The following CCSER1 variants were observed in gnomAD, a reference collection of about 807,000 sequenced individuals.
CCSER1 encodes the protein serine-rich coiled-coil domain-containing protein 1.
In CCSER1, 41 loss-of-function variants were observed where a neutral mutation model predicts 82.0. The ratio of observed to expected loss-of-function variants is 0.50; its 90% CI spans 0.39 to 0.65. The LOEUF (loss-of-function observed/expected upper bound fraction) is 0.65, where lower values mean the gene tolerates loss of function less well. Ranked by LOEUF, CCSER1 falls within the 30% of genes least tolerant of loss-of-function variation. CCSER1 has a pLI of 0.00. For synonymous variants in CCSER1, 414 were observed against 383.9 expected, an observed-to-expected ratio of 1.08 and a Z score of -0.92; for missense variants, 1,119 against 1,064.2, an observed-to-expected ratio of 1.05 and a Z score of -0.72.
chr4:90,685,672 G>A (rs1402274030), intron 6 of CCSER1, among the ~76,000 whole-genome samples: 3 of 152,220 alleles, frequency 2.0e-5, no homozygotes, highest in Non-Finnish European at 2.9e-5. Context: ...TTATTGTCTG[G>A]TGAAGAAGTG....
At chr4:90,494,827 C>T (rs1026573985) in intron 5 of CCSER1, among the ~76,000 whole-genome samples, 2 of 151,934 alleles carry the variant, frequency 1.3e-5, no homozygotes, top group African/African-American at 2.4e-5. Flanking sequence ...CAACAGTTCA[C>T]GCCATAGACA....
At chr4:90,184,092 A>G (rs926577313) in intron 1 of CCSER1, among the ~76,000 whole-genome samples, 3 of 152,018 alleles carry the variant, frequency 2.0e-5, no homozygotes, top group African/African-American at 7.2e-5. Context: ...CTAGGGGAGG[A>G]GATTCTGTTA....
intron 1 of CCSER1, among the ~76,000 whole-genome samples, chr4:90,158,053 G>A (rs895456874): frequency 6.6e-6 from 1 of 152,142 alleles, no homozygotes; most frequent in South Asian, 2.1e-4. Context: ...TGGGTTTTTG[G>A]TGTGGATGTC....
chr4:91,240,058 C>G (rs1306579181), intron 10 of CCSER1, among the ~76,000 whole-genome samples: 1 of 54,534 alleles, frequency 1.8e-5, no homozygotes, highest in Admixed American at 2.1e-4. Context: ...ACACTGAAAT[C>G]TCTACTCATA....
chr4:90,499,609 T>C (rs1769547290), intron 5 of CCSER1, among the ~76,000 whole-genome samples: 1 of 152,196 alleles, frequency 6.6e-6, no homozygotes, highest in Non-Finnish European at 1.5e-5. Context: ...TGCCTGAGCT[T>C]GTATGTCTTC....
intron 9 of CCSER1, among the ~76,000 whole-genome samples, chr4:91,083,856 T>G (rs1723078034): frequency 6.6e-6 from 1 of 152,104 alleles, no homozygotes; most frequent in Non-Finnish European, 1.5e-5. Context: ...GTCAGTGATT[T>G]TGGTGACATT....
chr4:91,329,893 A>T (rs1290643615), intron 10 of CCSER1, among the ~76,000 whole-genome samples: 4 of 151,542 alleles, frequency 2.6e-5, no homozygotes, highest in East Asian at 3.9e-4. Flanking sequence ...TTGTTGTTAA[A>T]TTTTTTTCCC....
intron 1 of CCSER1, among the ~76,000 whole-genome samples, chr4:90,142,293 C>T (rs1724939361): frequency 6.6e-6 from 1 of 152,210 alleles, no homozygotes; most frequent in Non-Finnish European, 1.5e-5. Flanking sequence ...GCTGTCATTA[C>T]AGGCCTAAGT....
Position 91,496,864 on chromosome 4 carries a change from GAATATATA to G in CCSER1, c.2218-101707_2218-101700del, listed in dbSNP as rs1758947929. On this transcript the variant is annotated intron_variant, in intron 10 of 10. Coordinates refer to ENST00000509176, the MANE Select transcript of CCSER1 (RefSeq NM_001145065.2). ...ATATATATATATTCAAATATATATT[GAATATATA>G]TATTCAATTCAAATACATATTCCAA... Among the ~76,000 whole-genome samples the G allele has an allele frequency of 6.0e-4, 74 of 123,796 alleles. 3 individuals are homozygous for G. The highest frequency in any genetic ancestry group is 9.3e-3 in the Middle Eastern group (2 of 216). 81.2% of individuals were successfully genotyped at this position (123,796 alleles called of 152,430 possible).
chr4:90,918,179 A>ATTAATT (rs1727793788), intron 8 of CCSER1: 1 of 428,704 alleles, frequency 2.3e-6, no homozygotes, highest in Non-Finnish European at 4.6e-6. Context: ...CTAACATACT[A>ATTAATT]GTGTCTGTTA....
chr4:91,402,607 A>C (rs574437373), intron 10 of CCSER1, among the ~76,000 whole-genome samples: 10 of 152,138 alleles, frequency 6.6e-5, no homozygotes, highest in Non-Finnish European at 8.8e-5. Context: ...TCAGCTTTCT[A>C]CATATGGCTA....
At chr4:90,310,217 C>T (rs74626836) in intron 2 of CCSER1, among the ~76,000 whole-genome samples, 2,153 of 152,148 alleles carry the variant, frequency 0.014, 63 homozygotes, top group African/African-American at 0.049. Context: ...CTGACATTAA[C>T]TAACTGTGCA....
intron 10 of CCSER1, among the ~76,000 whole-genome samples, chr4:91,116,101 C>A (rs1726565909): frequency 1.3e-5 from 2 of 151,892 alleles, no homozygotes; most frequent in African/African-American, 2.4e-5. Context: ...TGAGAATATG[C>A]AGTGTTTGGT....
At chr4:90,604,341 T>C (rs578112975) in intron 5 of CCSER1, among the ~76,000 whole-genome samples, 2 of 152,178 alleles carry the variant, frequency 1.3e-5, no homozygotes, top group Admixed American at 1.3e-4. Flanking sequence ...CCGGAGAGAA[T>C]ACAGACTCTG....
intron 10 of CCSER1, among the ~76,000 whole-genome samples, chr4:91,413,658 T>G (rs1201282713): frequency 1.3e-5 from 2 of 151,994 alleles, no homozygotes; most frequent in Non-Finnish European, 2.9e-5. Flanking sequence ...ACTGAAAACT[T>G]CTACCATCTT....
intron 4 of CCSER1, among the ~76,000 whole-genome samples, chr4:90,401,955 C>T (rs1006845712): frequency 6.6e-6 from 1 of 152,206 alleles, no homozygotes; most frequent in African/African-American, 2.4e-5. Context: ...ATATAGTTTG[C>T]CCCTCTTGAT....
intron 10 of CCSER1, among the ~76,000 whole-genome samples, chr4:91,450,398 C>A (rs1755806753): frequency 6.6e-6 from 1 of 152,014 alleles, no homozygotes; most frequent in Non-Finnish European, 1.5e-5. Flanking sequence ...GAAGGACTTC[C>A]ATTTATCTGG....
At chr4:90,985,350 T>C (rs192346129) in intron 9 of CCSER1, among the ~76,000 whole-genome samples, 1 of 151,758 alleles carries the variant, frequency 6.6e-6, no homozygotes, top group African/African-American at 2.4e-5. Flanking sequence ...TAGAAAGCCA[T>C]CAGATTTTTT....
chr4:91,369,661 CTTTTTTTTTTTTT>C (rs573494038), intron 10 of CCSER1, among the ~76,000 whole-genome samples: 1 of 73,464 alleles, frequency 1.4e-5, no homozygotes, highest in Non-Finnish European at 2.4e-5. Flanking sequence ...TAATCTGTAG[CTTTTTTTTTTTTT>C]TTTTTTTTTT....
Sources: allele counts gnomAD v4.1 joint callset (sites outside exome capture counted in the v4.1 genomes callset), GRCh38; gene constraint gnomAD v4.1.1; transcripts MANE v1.5; gene names NCBI Gene and HGNC (gene_info 2026-07-23, HGNC 2026-07-21).